The following KIAA0319L variants were observed in gnomAD, a reference collection of about 807,000 sequenced individuals.
KIAA0319L encodes the protein dyslexia-associated protein KIAA0319-like protein.
KIAA0319L carries 55 observed loss-of-function variants against 120.1 expected under a neutral mutation model. The observed-to-expected ratio is 0.46, with a 90% confidence interval of 0.37 to 0.57. The LOEUF (loss-of-function observed/expected upper bound fraction) is 0.57, where lower values mean the gene tolerates loss of function less well. KIAA0319L is among the 20% of genes least tolerant of loss of function. KIAA0319L has a pLI of 0.00. For missense variants in KIAA0319L, 1,049 were observed against 1,255.3 expected (o/e 0.84, Z 2.48); for synonymous variants, 398 against 471.9 (o/e 0.84, Z 2.03).
intron 3 of KIAA0319L, among the ~76,000 whole-genome samples, chr1:35,487,854 T>A (rs1049342223): frequency 6.6e-6 from 1 of 152,218 alleles, no homozygotes; most frequent in African/African-American, 2.4e-5. Flanking sequence ...CTCTGCCTGC[T>A]TTTTCAGCAG....
chr1:35,512,802 G>T (rs548559633), intron 2 of KIAA0319L, among the ~76,000 whole-genome samples: 1 of 150,312 alleles, frequency 6.7e-6, no homozygotes, highest in East Asian at 2.0e-4. Context: ...CACCCAGGAG[G>T]TGGAGGTTGC....
chr1:35,452,963 T>C (rs1384992534), intron 12 of KIAA0319L, among the ~76,000 whole-genome samples: 2 of 152,216 alleles, frequency 1.3e-5, no homozygotes, highest in African/African-American at 4.8e-5. Context: ...GGATCCTGCA[T>C]ATAATTTCAG....
At chr1:35,465,210 G>C (rs189878014) in intron 7 of KIAA0319L, among the ~76,000 whole-genome samples, 2 of 152,190 alleles carry the variant, frequency 1.3e-5, no homozygotes, top group African/African-American at 2.4e-5. Flanking sequence ...CGGAAAAGCC[G>C]CAGACACTCA....
chr1:35,446,282 A>T (rs1558281041), intron 16 of KIAA0319L, among the ~76,000 whole-genome samples: 1 of 151,962 alleles, frequency 6.6e-6, no homozygotes, highest in South Asian at 2.1e-4. Context: ...TTTATTACCC[A>T]TCCCCTATCT....
At chr1:35,495,641 T>TTTTG (rs1042279216) in intron 3 of KIAA0319L, among the ~76,000 whole-genome samples, 2 of 151,622 alleles carry the variant, frequency 1.3e-5, no homozygotes, top group Non-Finnish European at 2.9e-5. Context: ...GTTTGTTTGG[T>TTTTG]TTTGTTTGTT....
intron 2 of KIAA0319L, among the ~76,000 whole-genome samples, chr1:35,521,493 G>C (rs1458326286): frequency 6.6e-6 from 1 of 150,748 alleles, no homozygotes; most frequent in Non-Finnish European, 1.5e-5. Context: ...AATTAGTTGG[G>C]CATGGTGGTG....
chr1:35,458,498 T>C (rs942374690), intron 9 of KIAA0319L, among the ~76,000 whole-genome samples: 1 of 152,120 alleles, frequency 6.6e-6, no homozygotes, highest in African/African-American at 2.4e-5. Flanking sequence ...TAGATTTTTT[T>C]TAAAATGAAG....
At chr1:35,551,323 T>C (rs1035439927) in intron 2 of KIAA0319L, among the ~76,000 whole-genome samples, 4 of 152,172 alleles carry the variant, frequency 2.6e-5, no homozygotes, top group Admixed American at 2.0e-4. Flanking sequence ...ATTTATTTGT[T>C]CTTTTTTCCT....
intron 2 of KIAA0319L, among the ~76,000 whole-genome samples, chr1:35,531,914 G>A (rs1365466444): frequency 1.3e-5 from 2 of 152,158 alleles, no homozygotes; most frequent in Non-Finnish European, 2.9e-5. Context: ...GCCCAGGGGA[G>A]GTTAGCGGGC....
chr1:35,439,965 T>C (rs942329483), intron 20 of KIAA0319L: 15 of 152,194 alleles, frequency 9.9e-5, no homozygotes, highest in African/African-American at 3.1e-4. Flanking sequence ...TAGTAAGTCA[T>C]TGAAGAATGT....
intron 2 of KIAA0319L, among the ~76,000 whole-genome samples, chr1:35,529,809 G>A (rs1356479584): frequency 2.0e-5 from 3 of 152,068 alleles, no homozygotes; most frequent in Non-Finnish European, 4.4e-5. Flanking sequence ...GTATCTGTTT[G>A]GGAATCTCTG....
chr1:35,470,770 A>G lies in KIAA0319L; in HGVS notation c.1113+93T>C, dbSNP rs1643573071. The G allele has an allele frequency of 1.5e-5, 12 of 809,454 alleles. No individual in the cohort carries two copies. In the East Asian group the frequency reaches 3.0e-4, roughly 20 times the overall value. The allele number at this position is 809,454 out of a possible 1,614,324, so 50.1% of individuals were successfully genotyped here. A position where few individuals can be genotyped will look rare whatever the true frequency, so the allele number is the denominator to read the frequency against. ...ATTCATTTCTAAAAGACTGTTTACA[A>G]CTTAAGTGTAGACAGAAAATTATAT... On this transcript the variant is annotated intron_variant, in intron 6 of 20. Transcript: ENST00000325722.
intron 7 of KIAA0319L, among the ~76,000 whole-genome samples, chr1:35,464,941 A>G (rs934058775): frequency 6.6e-6 from 1 of 152,244 alleles, no homozygotes; most frequent in Non-Finnish European, 1.5e-5. Flanking sequence ...GCAAGTACAC[A>G]GAAGTCAAAA....
intron 2 of KIAA0319L, among the ~76,000 whole-genome samples, chr1:35,532,468 G>A (rs1002074979): frequency 1.3e-5 from 2 of 152,122 alleles, no homozygotes; most frequent in Non-Finnish European, 1.5e-5. Flanking sequence ...AATGATTCTA[G>A]TTTCAGCTCT....
intron 2 of KIAA0319L, among the ~76,000 whole-genome samples, chr1:35,522,071 T>A (rs1481200345): frequency 6.6e-6 from 1 of 152,120 alleles, no homozygotes; most frequent in Admixed American, 6.5e-5. Context: ...TAGAATGATA[T>A]CCAGGATACA....
Position 35,453,513 on chromosome 1 carries a change from G to T in KIAA0319L, c.1913+44C>A. The T allele has an allele frequency of 6.2e-7, 1 of 1,603,680 alleles. No homozygotes were observed. Among genetic ancestry groups the T allele is most frequent in the Non-Finnish European group, 8.5e-7 (1 of 1,171,198 alleles). On this transcript the variant is annotated intron_variant, in intron 12 of 20. Coordinates refer to ENST00000325722, the MANE Select transcript of KIAA0319L (RefSeq NM_024874.5). This position sits in a 1 kb window ranked among gnomAD's most constrained non-coding sequence, Gnocchi z 4.1. ...GCAAATAAAACCTTGCTCTTCCAAG[G>T]TCTGGAGGCTTTGCAAAAATAAGGA...
At chr1:35,503,431 G>A (rs2148392670) in intron 3 of KIAA0319L, among the ~76,000 whole-genome samples, 1 of 152,310 alleles carries the variant, frequency 6.6e-6, no homozygotes, top group East Asian at 1.9e-4. Context: ...CAAATTCTCA[G>A]AACATACTCC....
intron 6 of KIAA0319L, among the ~76,000 whole-genome samples, chr1:35,470,423 G>A (rs1475084089): frequency 7.0e-6 from 1 of 143,430 alleles, no homozygotes; most frequent in African/African-American, 2.6e-5. Flanking sequence ...AGCCTGGGAA[G>A]TCAAGACTGC....
Position 35,460,386 on chromosome 1 carries a change from C to A in KIAA0319L, c.1346G>T (p.Gly449Val). Reference sequence around the variant, plus strand: ...AGAAATCTTCTCTTCTCTTAGAGGCCCCTTAAGTTCTTCCCAATGGTACTG... The same window carrying A: ...AGAAATCTTCTCTTCTCTTAGAGGCACCTTAAGTTCTTCCCAATGGTACTG... ...IVQYHWEELK[G>V]PLREEKISED... is the part of the protein sequence containing the mutation. The change falls in exon 9 of 21, where the codon GGG (glycine) becomes GTG (valine). Residue 449 changes from glycine to valine, a missense_variant. Coordinates refer to ENST00000325722, the MANE Select transcript of KIAA0319L (RefSeq NM_024874.5). 6.2e-7 allele frequency: 1 copy of A among 1,611,778 alleles called. No homozygotes were observed. The highest frequency in any genetic ancestry group is 8.5e-7 in the Non-Finnish European group (1 of 1,178,036).
Sources: gnomAD v4.1 joint callset for allele counts (sites outside exome capture counted in the v4.1 genomes callset) on GRCh38, gnomAD v4.1.1 for gene constraint, Gnocchi (gnomAD v3.1) non-coding constraint, MANE v1.5 for transcripts, NCBI Gene and HGNC (gene_info 2026-07-23, HGNC 2026-07-21) for gene names.